Variants in CLYBL observed in about 807,000 individuals in gnomAD.
CLYBL encodes the protein citramalyl-CoA lyase, mitochondrial.
CLYBL carries 31 observed loss-of-function variants against 38.9 expected under a neutral mutation model. That is an observed-to-expected ratio of 0.80 (90% CI 0.60 to 1.08). The LOEUF (loss-of-function observed/expected upper bound fraction) is 1.08, where lower values mean the gene tolerates loss of function less well. Among genes scored for constraint, CLYBL ranks in the 50% least tolerant of loss-of-function variants. The pLI, the probability that CLYBL is intolerant of heterozygous loss-of-function variation, is 0.00. For synonymous variants in CLYBL, 171 were observed against 158.6 expected, an observed-to-expected ratio of 1.08 and a Z score of -0.59; for missense variants, 434 against 411.6, an observed-to-expected ratio of 1.05 and a Z score of -0.47.
At position 99,646,115 on chromosome 13, in the gene CLYBL, A is replaced by T. The variant is rs530520060; in HGVS notation, c.62+39358A>T. 3.9e-5 allele frequency among the ~76,000 whole-genome samples: 6 copies of T among 152,306 alleles called. No individual in the cohort carries two copies. The East Asian group carries it at 1.2e-3, about 29-fold the overall frequency. On this transcript the variant is annotated intron_variant, in intron 1 of 8. Transcript: ENST00000339105. Reference sequence around the variant, plus strand: ...CCTGAGGTCCTAACCATCATTTGTGACATTTTTTCCATGGGGAAAAATTCA... The same window carrying T: ...CCTGAGGTCCTAACCATCATTTGTGTCATTTTTTCCATGGGGAAAAATTCA...
At chr13:99,877,269 G>A (rs2139282585) in intron 7 of CLYBL, among the ~76,000 whole-genome samples, 1 of 152,318 alleles carries the variant, frequency 6.6e-6, no homozygotes, top group Admixed American at 6.5e-5. Flanking sequence ...CAAGATCGAA[G>A]TGATGGCCAG....
rs185524042 is a variant in CLYBL at position 99,685,932 on chromosome 13, A to T, written c.62+79175A>T. ...AGCGGAGATTGCGCCATTGCACTCC[A>T]GCCTGGGCGACAGAACAAGACCCTG... On this transcript the variant is annotated intron_variant, in intron 1 of 8. Coordinates refer to ENST00000339105, the MANE Select transcript of CLYBL (RefSeq NM_206808.5). 7.9e-5 allele frequency among the ~76,000 whole-genome samples: 12 copies of T among 152,300 alleles called. No homozygotes were observed. In the East Asian group the frequency reaches 2.1e-3, roughly 27 times the overall value.
chr13:99,860,184 G>T (rs1328270552), intron 3 of CLYBL, among the ~76,000 whole-genome samples: 1 of 152,010 alleles, frequency 6.6e-6, no homozygotes, highest in East Asian at 1.9e-4. Context: ...TCACTGAGGG[G>T]ACAAAAAGAG....
intron 1 of CLYBL, among the ~76,000 whole-genome samples, chr13:99,624,594 A>G (rs907135139): frequency 1.3e-5 from 2 of 152,192 alleles, no homozygotes; most frequent in Admixed American, 6.5e-5. Flanking sequence ...CTTCCGTACA[A>G]CTGGTTTACA....
intron 1 of CLYBL, among the ~76,000 whole-genome samples, chr13:99,763,598 A>T (rs2049207815): frequency 1.5e-5 from 2 of 135,190 alleles, no homozygotes; most frequent in South Asian, 2.3e-4. Context: ...CTTGTTGCCC[A>T]GGCTGTAGTG....
chr13:99,742,514 A>G (rs1387893195), intron 1 of CLYBL, among the ~76,000 whole-genome samples: 1 of 152,240 alleles, frequency 6.6e-6, no homozygotes. Flanking sequence ...TTCACAGCAG[A>G]AAACACTGTG....
chr13:99,701,446 G>A (rs2048064200), intron 1 of CLYBL, among the ~76,000 whole-genome samples: 1 of 151,912 alleles, frequency 6.6e-6, no homozygotes, highest in Middle Eastern at 3.2e-3. Flanking sequence ...AAAGTAGCTG[G>A]GACTACAGGC....
intron 1 of CLYBL, among the ~76,000 whole-genome samples, chr13:99,676,257 T>C (rs1343304477): frequency 7.3e-6 from 1 of 136,678 alleles, no homozygotes; most frequent in African/African-American, 2.6e-5. Flanking sequence ...TTTCTTTTTC[T>C]TTTTCTATTT....
chr13:99,811,289 A>T (rs1320778555), intron 2 of CLYBL, among the ~76,000 whole-genome samples: 1 of 152,212 alleles, frequency 6.6e-6, no homozygotes, highest in African/African-American at 2.4e-5. Flanking sequence ...CTAGGAGACC[A>T]AAAATGCATG....
chr13:99,716,787 CTTTTTT>C (rs1260332084), intron 1 of CLYBL, among the ~76,000 whole-genome samples: 3 of 100,902 alleles, frequency 3.0e-5, no homozygotes, highest in Non-Finnish European at 6.2e-5. Context: ...CTTTTCTTTT[CTTTTTT>C]TTTTTTTTTT....
chr13:99,657,997 T>C (rs1451959212), intron 1 of CLYBL, among the ~76,000 whole-genome samples: 1 of 152,212 alleles, frequency 6.6e-6, no homozygotes, highest in African/African-American at 2.4e-5. Context: ...CGCCCTGCCT[T>C]CGGAGTTTCC....
chr13:99,731,099 A>AT (rs2048582330), intron 1 of CLYBL, among the ~76,000 whole-genome samples: 1 of 150,718 alleles, frequency 6.6e-6, no homozygotes, highest in Non-Finnish European at 1.5e-5. Flanking sequence ...AAAAAAAAAA[A>AT]AAAAAAAGGC....
intron 1 of CLYBL, among the ~76,000 whole-genome samples, chr13:99,611,452 T>C (rs1177706725): frequency 6.6e-6 from 1 of 152,246 alleles, no homozygotes; most frequent in African/African-American, 2.4e-5. Context: ...ATTACAGTGA[T>C]TGACTTTTTA....
Position 99,866,381 on chromosome 13 carries a change from GAGA to G in CLYBL, c.779_781del (p.Glu260del). 6.2e-7 allele frequency: 1 copy of G among 1,613,786 alleles called. No homozygotes were observed. Among genetic ancestry groups the G allele is most frequent in the Non-Finnish European group, 8.5e-7 (1 of 1,179,986 alleles). ...GGAGCTGGGCTGCTTAGACAGTCAC[GAGA>G]AGGAGCCGCCATGGGCTTCACTGGT... is the stretch of plus-strand genomic sequence containing the variant. On this transcript the variant is annotated inframe_deletion, in exon 6 of 9. Transcript: ENST00000339105.
chr13:99,888,736 G>A (rs1030789857), intron 7 of CLYBL, among the ~76,000 whole-genome samples: 12 of 152,164 alleles, frequency 7.9e-5, no homozygotes, highest in African/African-American at 2.4e-4. Context: ...GCAACAGAGC[G>A]AGACTCAGTC....
chr13:99,727,646 C>T (rs2048501551), intron 1 of CLYBL, among the ~76,000 whole-genome samples: 1 of 151,774 alleles, frequency 6.6e-6, no homozygotes, highest in Non-Finnish European at 1.5e-5. Flanking sequence ...AAGCAAGACA[C>T]CTGGGTTTGT....
chr13:99,899,896 C>T (rs770473393), downstream of CLYBL, among the ~76,000 whole-genome samples: 16 of 152,054 alleles, frequency 1.1e-4, no homozygotes, highest in African/African-American at 1.9e-4. Flanking sequence ...TTCTACGCAG[C>T]GAACCCCATT....
chr13:99,770,134 G>GCAGTGGCGCGATCTCAGCTCA (rs2049354793), intron 1 of CLYBL, among the ~76,000 whole-genome samples: 2 of 142,662 alleles, frequency 1.4e-5, no homozygotes, highest in Non-Finnish European at 1.5e-5. Context: ...AGGCAGGAGT[G>GCAGTGGCGCGATCTCAGCTCA]CAGTGGCGCG....
chr13:99,795,735 G>A (rs7983983), intron 2 of CLYBL, among the ~76,000 whole-genome samples: 25,677 of 152,156 alleles, frequency 0.17, 2,814 homozygotes, highest in East Asian at 0.37. Context: ...GCCAGGTGCT[G>A]GCCGGAGATA....
Sources: allele counts gnomAD v4.1 joint callset (sites outside exome capture counted in the v4.1 genomes callset), GRCh38; gene constraint gnomAD v4.1.1; transcripts MANE v1.5; gene names NCBI Gene and HGNC (gene_info 2026-07-23, HGNC 2026-07-21).